Variants in LIG3 observed in about 807,000 individuals in gnomAD.
LIG3 encodes DNA ligase 3, also known as ligase II, DNA, ATP-dependent.
A neutral mutation model predicts 110.9 loss-of-function variants in LIG3; 58 were observed. The ratio of observed to expected loss-of-function variants is 0.52; its 90% CI spans 0.42 to 0.65. LIG3 has a LOEUF of 0.65. Among genes scored for constraint, LIG3 ranks in the 30% least tolerant of loss-of-function variants. LIG3 has a pLI of 0.00. For synonymous variants in LIG3, 422 were observed against 472.8 expected (o/e 0.89, Z 1.39); for missense variants, 1,094 against 1,273.8 (o/e 0.86, Z 2.15).
intron 8 of LIG3, among the ~76,000 whole-genome samples, chr17:34,994,025 T>C (rs1326470432): frequency 6.6e-6 from 1 of 152,228 alleles, no homozygotes; most frequent in Non-Finnish European, 1.5e-5. Context: ...GTACAATGAA[T>C]AGCATTCATA....
intron 7 of LIG3, 147 bp downstream of exon 7, chr17:34,992,182 C>A (rs1247731482): frequency 2.8e-5 from 20 of 710,764 alleles, no homozygotes; most frequent in Non-Finnish European, 4.1e-5. Flanking sequence ...TGTCACTTGA[C>A]CTGTCTCTGC....
intron 5 of LIG3, chr17:34,991,397 A>G: frequency 1.8e-6 from 1 of 569,398 alleles, no homozygotes; most frequent in Non-Finnish European, 3.1e-6. Flanking sequence ...TGGGGCTTTT[A>G]TTCTGGACTC....
chr17:34,983,485 CACAGAGCTGGAAGGCTGG>C lies in LIG3; in HGVS notation c.481_498del (p.Thr161_Trp166del). 6.2e-7 allele frequency: 1 copy of C among 1,614,098 alleles called. No homozygotes were observed. The highest frequency in any genetic ancestry group is 8.5e-7 in the Non-Finnish European group (1 of 1,180,018). On this transcript the variant is annotated inframe_deletion, in exon 2 of 20. Coordinates refer to ENST00000378526, the MANE Select transcript of LIG3 (RefSeq NM_013975.4). ...CCACCACAAAAAAAATCGAGGACCT[CACAGAGCTGGAAGGCTGG>C]GAAGAGCTGGAAGATAATGAGAAGG...
At chr17:34,998,318 TCTC>T (rs758983791) in intron 13 of LIG3, 22 bp downstream of exon 13, 72 of 1,598,972 alleles carry the variant, frequency 4.5e-5, no homozygotes, top group Non-Finnish European at 5.4e-5. Flanking sequence ...TCGCTTGGCT[TCTC>T]CTGTCGACTC....
chr17:34,983,941 C>T (rs1191946084), intron 2 of LIG3, among the ~76,000 whole-genome samples: 1 of 152,254 alleles, frequency 6.6e-6, no homozygotes, highest in South Asian at 2.1e-4. Flanking sequence ...TGTTCATGTG[C>T]TGTCTCTCTC....
rs1320815871 is a variant in LIG3 at position 34,986,059 on chromosome 17, C to T, written c.619C>T (p.Gln207Ter). The T allele has an allele frequency of 6.2e-7, 1 of 1,614,002 alleles. No homozygotes were observed. Among genetic ancestry groups the T allele is most frequent in the East Asian group, 2.2e-5 (1 of 44,878 alleles). The change falls in exon 3 of 20, where the codon CAG becomes TAG. Residue 207 changes from glutamine to a stop codon, truncating the protein, a stop_gained. Transcript: ENST00000378526. LOFTEE classifies it high-confidence loss of function. ...VVQAKLTTTGQVTSPVKGASF... is the reference protein window; with the variant it reads ...VVQAKLTTTG Reference sequence around the variant, plus strand: ...CCAGGCTAAGTTGACAACCACTGGCCAGGTGACTTCTCCAGTGAAAGGCGC... The same window carrying T: ...CCAGGCTAAGTTGACAACCACTGGCTAGGTGACTTCTCCAGTGAAAGGCGC...
rs1425850424 is a variant in LIG3, at chr17:34,985,873, T to A, written c.548-115T>A. The A allele has an allele frequency of 2.8e-6, 3 of 1,058,988 alleles. No individual in the cohort carries two copies. The African/African-American group carries it at 4.8e-5, about 17-fold the overall frequency. 65.6% of individuals were successfully genotyped at this position (1,058,988 alleles called of 1,614,324 possible). A position where few individuals can be genotyped will look rare whatever the true frequency, so the allele number is the denominator to read the frequency against. On this transcript the variant is annotated intron_variant, in intron 2 of 19. Transcript: ENST00000378526. ...CAGCCACCAGCCAGCCTTGGGCTAG[T>A]GCTAGGGTAGTGACTTAACAAGCAA...
intron 17 of LIG3, 31 bp from the exon 18 acceptor site, chr17:35,001,878 A>C: frequency 6.3e-7 from 1 of 1,590,712 alleles, no homozygotes; most frequent in Non-Finnish European, 8.5e-7. Flanking sequence ...AAGGCAATGA[A>C]ACCCTCTGAC....
chr17:34,996,552 A>G, intron 10 of LIG3, 22 bp from the exon 11 acceptor site: 1 of 1,596,730 alleles, frequency 6.3e-7, no homozygotes, highest in East Asian at 2.2e-5. Context: ...ATGTGTACCT[A>G]CTACCTCATT....
chr17:35,001,685 C>G (rs2090843667), intron 17 of LIG3, among the ~76,000 whole-genome samples: 1 of 152,198 alleles, frequency 6.6e-6, no homozygotes, highest in South Asian at 2.1e-4. Context: ...GTTGCCCCAG[C>G]AAAGCCTGCT....
chr17:34,998,182 C>T, intron 12 of LIG3, 37 bp from the exon 13 acceptor site: 1 of 1,554,532 alleles, frequency 6.4e-7, no homozygotes, highest in East Asian at 2.2e-5. Context: ...ACCTTCTCCA[C>T]TCTCACACCA....
chr17:34,993,908 C>G (rs2090751881), intron 8 of LIG3, among the ~76,000 whole-genome samples: 1 of 152,158 alleles, frequency 6.6e-6, no homozygotes. Flanking sequence ...CTTCACATAC[C>G]TCTTTTACTG....
At chr17:34,984,331 C>T (rs2142233705) in intron 2 of LIG3, among the ~76,000 whole-genome samples, 1 of 152,260 alleles carries the variant, frequency 6.6e-6, no homozygotes, top group East Asian at 1.9e-4. Context: ...TGATTACTAT[C>T]CTCTTTTACT....
downstream of LIG3, chr17:35,010,326 G>A (rs1024902536): frequency 6.6e-6 from 1 of 152,334 alleles, no homozygotes; most frequent in African/African-American, 2.4e-5. Flanking sequence ...CTGCTTTCCT[G>A]ATCATGTGTT....
rs184508037 is a variant in LIG3, at chr17:35,003,175, T to C, written c.2796+386T>C. 2,496 of 1,518,458 alleles carry C rather than the reference T, an allele frequency of 1.6e-3. 1 individual carries two copies. The highest frequency in any genetic ancestry group is 1.9e-3 in the Non-Finnish European group (2,134 of 1,126,482). 94.1% of individuals were successfully genotyped at this position (1,518,458 alleles called of 1,614,324 possible). On this transcript the variant is annotated intron_variant, in intron 19 of 19. Coordinates refer to ENST00000378526, the MANE Select transcript of LIG3 (RefSeq NM_013975.4). ...TGCAGCATTGAGTTTGTGGTCAGGG[T>C]GGAAGCAGGTCCAGCAAGCAGCGAG...
chr17:35,002,561 C>T (rs532909808), intron 18 of LIG3, 107 bp from the exon 19 acceptor site: 19 of 1,221,880 alleles, frequency 1.6e-5, no homozygotes, highest in African/African-American at 1.1e-4. Flanking sequence ...TGCAGTGGCA[C>T]GACCATAGCT....
Position 35,006,229 on chromosome 17 carries a change from C to A in LIG3, c.*1723C>A, listed in dbSNP as rs1296647321. 1 of 154,994 alleles carries A rather than the reference C, an allele frequency of 6.5e-6. No individual in the cohort carries two copies. The highest frequency in any genetic ancestry group is 2.4e-5 in the African/African-American group (1 of 41,448). The allele number at this position is 154,994 out of a possible 1,614,324, so 9.6% of individuals were successfully genotyped here. On this transcript the variant is annotated 3_prime_UTR_variant, in exon 20 of 20. Transcript: ENST00000378526. ...GAAATATCCATAAATCTGCAGTATC[C>A]AACCAAACTAGCCACAGACAGCTGC...
chr17:35,002,940 GTGGGCAGGGTCAGCAA>G, intron 19 of LIG3, 151 bp downstream of exon 19: 1 of 1,612,650 alleles, frequency 6.2e-7, no homozygotes, highest in East Asian at 2.2e-5. Context: ...CTCCTCTGTC[GTGGGCAGGGTCAGCAA>G]TGCTGCTGCT....
At chr17:34,994,190 C>A in intron 8 of LIG3, 86 bp from the exon 9 acceptor site, 1 of 1,346,818 alleles carries the variant, frequency 7.4e-7, no homozygotes, top group Non-Finnish European at 1.0e-6. Context: ...TAACTACCCT[C>A]ACTAACCCAG....
Sources: gnomAD v4.1 joint callset for allele counts (sites outside exome capture counted in the v4.1 genomes callset) on GRCh38, gnomAD v4.1.1 for gene constraint, MANE v1.5 for transcripts, NCBI Gene and HGNC (gene_info 2026-07-23, HGNC 2026-07-21) for gene names.